Variants in RLN2 observed in about 807,000 individuals in gnomAD.
The protein encoded by RLN2 is prorelaxin H2.
Under a neutral mutation model 7.3 loss-of-function variants are expected in RLN2, and 10 were observed. The ratio of observed to expected loss-of-function variants is 1.36; its 90% CI spans 0.84 to 2.31. The LOEUF is 2.31. Among genes scored for constraint, RLN2 ranks in the 30% most tolerant of loss-of-function variants. The pLI is 0.00. For synonymous variants in RLN2, 103 were observed against 82.3 expected (o/e 1.25, Z -1.36); for missense variants, 298 against 217.6 (o/e 1.37, Z -2.32).
upstream of RLN2, among the ~76,000 whole-genome samples, chr9:5,308,497 A>T (rs910347709): frequency 1.3e-5 from 2 of 151,974 alleles, no homozygotes; most frequent in African/African-American, 2.4e-5. Context: ...TTTTACTGTT[A>T]TGCTGGGCAT....
the RLN2 span, among the ~76,000 whole-genome samples, chr9:5,316,449 AC>A: frequency 6.6e-6 from 1 of 151,316 alleles, no homozygotes; most frequent in Middle Eastern, 3.4e-3. Flanking sequence ...CTAGCCCCTC[AC>A]CCCCTGAAAG....
At chr9:5,327,346 G>T in the RLN2 span, among the ~76,000 whole-genome samples, 1 of 151,990 alleles carries the variant, frequency 6.6e-6, no homozygotes, top group South Asian at 2.1e-4. Flanking sequence ...GGGGGGAGGG[G>T]CATCCACCAT....
At chr9:5,321,277 G>A in the RLN2 span, among the ~76,000 whole-genome samples, 3 of 152,012 alleles carry the variant, frequency 2.0e-5, no homozygotes, top group Non-Finnish European at 4.4e-5. Context: ...ATGAGCTCAT[G>A]GACTTTCTTC....
At chr9:5,305,963 TGA>T (rs1393146028), upstream of RLN2, among the ~76,000 whole-genome samples, 3 of 151,970 alleles carry the variant, frequency 2.0e-5, no homozygotes, top group African/African-American at 7.3e-5. Context: ...ACACGCAGTT[TGA>T]GAGAGGCCTC....
the RLN2 span, among the ~76,000 whole-genome samples, chr9:5,325,219 T>C: frequency 6.6e-6 from 1 of 151,956 alleles, no homozygotes; most frequent in Admixed American, 6.6e-5. Context: ...ACAAGCTTAG[T>C]GTTCCATTAC....
At chr9:5,310,892 T>G in the RLN2 span, among the ~76,000 whole-genome samples, 1 of 152,144 alleles carries the variant, frequency 6.6e-6, no homozygotes, top group East Asian at 1.9e-4. Flanking sequence ...TGTTCTGTTT[T>G]ATCAATTAAG....
chr9:5,319,337 C>T, the RLN2 span, among the ~76,000 whole-genome samples: 1 of 151,888 alleles, frequency 6.6e-6, no homozygotes, highest in African/African-American at 2.4e-5. Flanking sequence ...CACTTTCTAA[C>T]ATAGCCATTG....
chr9:5,305,532 C>T (rs1816232810), upstream of RLN2, among the ~76,000 whole-genome samples: 5 of 151,818 alleles, frequency 3.3e-5, no homozygotes, highest in South Asian at 8.3e-4. Context: ...GTGTTTGCTG[C>T]ACCTGGTAAG....
At chr9:5,318,125 G>T in the RLN2 span, among the ~76,000 whole-genome samples, 1 of 151,802 alleles carries the variant, frequency 6.6e-6, no homozygotes, top group East Asian at 1.9e-4. Context: ...GCCTGCCTTG[G>T]CCTCCCAAAG....
chr9:5,311,390 T>C, the RLN2 span: 217 of 482,556 alleles, frequency 4.5e-4, 3 homozygotes, highest in African/African-American at 3.0e-3. Flanking sequence ...GGGGCTCTCA[T>C]TGGACACATT....
chr9:5,306,312 T>A (rs185454639), upstream of RLN2, among the ~76,000 whole-genome samples: 1 of 151,938 alleles, frequency 6.6e-6, no homozygotes, highest in East Asian at 1.9e-4. Context: ...TTCACCATGT[T>A]GGACAGGCTG....
intron 1 of RLN2, among the ~76,000 whole-genome samples, chr9:5,301,113 C>G (rs1013738427): frequency 1.3e-5 from 2 of 152,196 alleles, no homozygotes; most frequent in Non-Finnish European, 2.9e-5. Context: ...CCAAAAATCA[C>G]TGATTTAAGA....
chr9:5,335,511 C>T, the RLN2 span: 1 of 1,613,236 alleles, frequency 6.2e-7, no homozygotes, highest in Non-Finnish European at 8.5e-7. Context: ...GATAGGGCTG[C>T]CTTCAGCTCC....
At chr9:5,334,003 A>C in the RLN2 span, among the ~76,000 whole-genome samples, 3 of 152,080 alleles carry the variant, frequency 2.0e-5, no homozygotes, top group Admixed American at 2.0e-4. Flanking sequence ...TAAACTAAGT[A>C]TTGAAGGAAC....
chr9:5,325,757 C>T, the RLN2 span, among the ~76,000 whole-genome samples: 6 of 152,138 alleles, frequency 3.9e-5, 1 homozygote, highest in African/African-American at 1.4e-4. Context: ...AAGCCAATAT[C>T]ATCTTAATTT....
chr9:5,337,395 T>C, the RLN2 span, among the ~76,000 whole-genome samples: 3 of 152,222 alleles, frequency 2.0e-5, no homozygotes, highest in East Asian at 1.9e-4. Context: ...ATAACACTTT[T>C]AGCTATGGAA....
the RLN2 span, among the ~76,000 whole-genome samples, chr9:5,328,366 A>C: frequency 2.2e-3 from 336 of 152,214 alleles, 3 homozygotes; most frequent in South Asian, 0.013. Context: ...TAGAGAAAAA[A>C]GAGTGAAAAG....
At chr9:5,316,864 A>G in the RLN2 span, among the ~76,000 whole-genome samples, 1 of 152,088 alleles carries the variant, frequency 6.6e-6, no homozygotes, top group Admixed American at 6.5e-5. Flanking sequence ...TTGAGGAGTC[A>G]CCACACTGTC....
the RLN2 span, among the ~76,000 whole-genome samples, chr9:5,318,385 A>T: frequency 2.0e-5 from 3 of 151,466 alleles, no homozygotes; most frequent in East Asian, 3.9e-4. Flanking sequence ...TATTTCCTAC[A>T]CCTCTTGGTG....
Sources: gnomAD v4.1 joint callset for allele counts (sites outside exome capture counted in the v4.1 genomes callset) on GRCh38, gnomAD v4.1.1 for gene constraint, MANE v1.5 for transcripts, NCBI Gene and HGNC (gene_info 2026-07-23, HGNC 2026-07-21) for gene names.